Variants in VAV2 observed in about 807,000 individuals in gnomAD.
VAV2 encodes vav guanine nucleotide exchange factor 2, also known as guanine nucleotide exchange factor VAV2.
Under a neutral mutation model 132.5 loss-of-function variants are expected in VAV2, and 67 were observed. The ratio of observed to expected loss-of-function variants is 0.51; its 90% CI spans 0.42 to 0.62. VAV2 has a LOEUF of 0.62. Among genes scored for constraint, VAV2 ranks in the 20% least tolerant of loss-of-function variants. VAV2 has a pLI of 0.00. For synonymous variants in VAV2, 492 were observed against 443.5 expected, an observed-to-expected ratio of 1.11 and a Z score of -1.37; for missense variants, 938 against 1,153.6, an observed-to-expected ratio of 0.81 and a Z score of 2.71.
intron 4 of VAV2, among the ~76,000 whole-genome samples, chr9:133,828,368 C>G (rs371023395): frequency 0.019 from 115 of 6,176 alleles, 8 homozygotes; most frequent in East Asian, 0.062. Context: ...GGCATCACCA[C>G]CTACCGCTGC....
At chr9:133,955,973 G>C (rs950542622) in intron 1 of VAV2, among the ~76,000 whole-genome samples, 4 of 150,902 alleles carry the variant, frequency 2.7e-5, no homozygotes, top group Non-Finnish European at 4.4e-5. Flanking sequence ...GCTCTCAGAC[G>C]GGCAGCCAGC....
At chr9:133,873,950 C>T (rs370961058) in intron 2 of VAV2, among the ~76,000 whole-genome samples, 9 of 152,352 alleles carry the variant, frequency 5.9e-5, no homozygotes, top group African/African-American at 2.2e-4. Flanking sequence ...AGCTAACCAC[C>T]GTCTAGGCCT....
chr9:133,831,789 C>T lies in VAV2; in HGVS notation c.449+2483G>A, dbSNP rs557123314. ...GCAGGTCAGAAACTTGCCCTCACAC[C>T]GGCCAGGAGCTCCCCAGGCTCTGGG... On this transcript the variant is annotated intron_variant, in intron 4 of 29. Transcript: ENST00000371850. Among the ~76,000 whole-genome samples, 306 of 152,336 alleles carry T rather than the reference C, an allele frequency of 2.0e-3. 13 individuals are homozygous for T. In the South Asian group the frequency reaches 0.057, roughly 28 times the overall value.
intron 1 of VAV2, among the ~76,000 whole-genome samples, chr9:133,947,626 G>A (rs1357340470): frequency 6.6e-6 from 1 of 151,564 alleles, no homozygotes; most frequent in East Asian, 2.0e-4. Flanking sequence ...TTGAACTCGG[G>A]AGGTGGAGGT....
intron 1 of VAV2, among the ~76,000 whole-genome samples, chr9:133,962,531 T>C (rs1377831673): frequency 6.6e-6 from 1 of 152,078 alleles, no homozygotes. Context: ...CCTGGGCTGC[T>C]GCGGGGGTCC....
chr9:133,887,774 G>A (rs374115806), intron 2 of VAV2, among the ~76,000 whole-genome samples: 5 of 152,220 alleles, frequency 3.3e-5, no homozygotes, highest in Admixed American at 2.0e-4. Context: ...AACCGCCCCT[G>A]CCCCTGCCTC....
intron 4 of VAV2, among the ~76,000 whole-genome samples, chr9:133,816,509 G>A (rs916418860): frequency 2.0e-5 from 3 of 152,222 alleles, no homozygotes; most frequent in African/African-American, 7.2e-5. Context: ...TGCGTGGTAT[G>A]AAGTAGCAGG....
chr9:133,985,678 G>A (rs1334408235), intron 1 of VAV2, among the ~76,000 whole-genome samples: 2 of 152,300 alleles, frequency 1.3e-5, no homozygotes, highest in East Asian at 3.9e-4. Flanking sequence ...GAAATGCAAG[G>A]TAAGCCTGGA....
intron 1 of VAV2, among the ~76,000 whole-genome samples, chr9:133,976,675 A>T (rs770751397): frequency 5.3e-5 from 8 of 152,176 alleles, no homozygotes; most frequent in Admixed American, 2.0e-4. Flanking sequence ...GCAGCTACGC[A>T]TCTGGCTTTC....
Position 133,771,124 on chromosome 9 carries a change from C to T in VAV2, c.2224-623G>A, listed in dbSNP as rs558153133. On this transcript the variant is annotated intron_variant, in intron 26 of 29. Coordinates refer to ENST00000371850, the MANE Select transcript of VAV2 (RefSeq NM_001134398.2). ...TGTCACCCAGGCTGGAGTGCAAGGGCGCAATCTCGGCTCACTGCAATCTCC... is the reference window on the plus strand; with the variant it reads ...TGTCACCCAGGCTGGAGTGCAAGGGTGCAATCTCGGCTCACTGCAATCTCC... 3.2e-3 allele frequency among the ~76,000 whole-genome samples: 435 copies of T among 135,728 alleles called. 1 individual carries two copies. Among genetic ancestry groups the T allele is most frequent in the African/African-American group, 9.6e-3 (340 of 35,410 alleles). 89.0% of individuals were successfully genotyped at this position (135,728 alleles called of 152,430 possible). A position where few individuals can be genotyped will look rare whatever the true frequency, so the allele number is the denominator to read the frequency against.
chr9:133,779,104 C>G (rs556365245), intron 21 of VAV2, among the ~76,000 whole-genome samples: 4 of 152,398 alleles, frequency 2.6e-5, no homozygotes, highest in Non-Finnish European at 5.9e-5. Context: ...CAGGGGTCAT[C>G]ATGGAACAGC....
At position 133,809,108 on chromosome 9, in the gene VAV2, T is replaced by C; in HGVS notation, c.598A>G (p.Asn200Asp). 6.2e-7 allele frequency: 1 copy of C among 1,613,908 alleles called. No homozygotes were observed. The highest frequency in any genetic ancestry group is 1.1e-5 in the South Asian group (1 of 91,084). The change falls in exon 7 of 30, where the codon AAC becomes GAC. Residue 200 changes from asparagine (N) to aspartate (D), a missense_variant. Coordinates refer to ENST00000371850, the MANE Select transcript of VAV2 (RefSeq NM_001134398.2). ...KMGMTEDDKRNCCLLEIQETE... is the reference protein window; with the variant it reads ...KMGMTEDDKRDCCLLEIQETE... ...TCCTGGATCTCCAGCAGGCAGCAGT[T>C]CCTCTTGTCATCTTCAGTCATGCCC...
intron 20 of VAV2, 169 bp from the exon 21 acceptor site, chr9:133,780,108 G>A: frequency 3.6e-6 from 3 of 841,524 alleles, no homozygotes; most frequent in East Asian, 2.6e-5. Context: ...CCCCCACCCT[G>A]GCAATATATT....
At position 133,977,570 on chromosome 9, in the gene VAV2, CACTT is replaced by C. The variant is rs145051759; in HGVS notation, c.204+14501_204+14504del. Among the ~76,000 whole-genome samples the C allele has an allele frequency of 2.8e-4, 42 of 152,302 alleles. No homozygotes were observed. The East Asian group carries it at 7.1e-3, about 26-fold the overall frequency. On this transcript the variant is annotated intron_variant, in intron 1 of 29. Transcript: ENST00000371850. The stretch of plus-strand genomic sequence containing the variant: ...GTCACCCTCCACGCATGACAGCTGT[CACTT>C]ACCCAGGCAAATGACATGACAGGCG...
At chr9:133,985,021 A>T (rs1309846003) in intron 1 of VAV2, among the ~76,000 whole-genome samples, 1 of 152,170 alleles carries the variant, frequency 6.6e-6, no homozygotes, top group Non-Finnish European at 1.5e-5. Flanking sequence ...GATGTGGCTT[A>T]CATTATATTT....
At position 133,979,483 on chromosome 9, in the gene VAV2, G is replaced by T. The variant is rs138672076; in HGVS notation, c.204+12592C>A. On this transcript the variant is annotated intron_variant, in intron 1 of 29. Coordinates refer to ENST00000371850, the MANE Select transcript of VAV2 (RefSeq NM_001134398.2). ...TGCATGAGGACGGCTCGGCTCCCAG[G>T]GCAGCAGGAAGGAGCGGACGCCGCA... Among the ~76,000 whole-genome samples, 439 of 152,298 alleles carry T rather than the reference G, an allele frequency of 2.9e-3. 3 individuals carry two copies. The highest frequency in any genetic ancestry group is 1.0e-2 in the African/African-American group (415 of 41,574).
chr9:133,835,550 C>T lies in VAV2; in HGVS notation c.381-1210G>A, dbSNP rs147760427. On this transcript the variant is annotated intron_variant, in intron 3 of 29. Transcript: ENST00000371850. ...GGCCCCTTAATTAAACCAAACAGCCCCCTGTAGCCCCAGGGTGCGTGTTCT... is the reference window on the plus strand; with the variant it reads ...GGCCCCTTAATTAAACCAAACAGCCTCCTGTAGCCCCAGGGTGCGTGTTCT... 1.9e-4 allele frequency among the ~76,000 whole-genome samples: 29 copies of T among 152,314 alleles called. 1 individual carries two copies. The highest frequency in any genetic ancestry group is 3.4e-3 in the Middle Eastern group (1 of 294).
intron 3 of VAV2, among the ~76,000 whole-genome samples, chr9:133,855,407 C>T (rs978827313): frequency 1.3e-5 from 2 of 152,226 alleles, no homozygotes; most frequent in Non-Finnish European, 2.9e-5. Flanking sequence ...AAGGACGCAG[C>T]CCTCACCACT....
intron 1 of VAV2, among the ~76,000 whole-genome samples, chr9:133,958,493 G>C (rs545430247): frequency 3.2e-4 from 49 of 150,924 alleles, no homozygotes; most frequent in African/African-American, 1.1e-3. Flanking sequence ...GTGTTTGTCT[G>C]CTGACCCTCT....
Sources: allele counts gnomAD v4.1 joint callset (sites outside exome capture counted in the v4.1 genomes callset), GRCh38; gene constraint gnomAD v4.1.1; transcripts MANE v1.5; gene names NCBI Gene and HGNC (gene_info 2026-07-23, HGNC 2026-07-21).